The following CELF2 variants were observed in gnomAD, a reference collection of about 807,000 sequenced individuals.
CELF2 encodes the protein CUG triplet repeat RNA-binding protein 2.
CELF2 carries 8 observed loss-of-function variants against 62.6 expected under a neutral mutation model. The observed-to-expected ratio is 0.13, with a 90% confidence interval of 0.07 to 0.23. The LOEUF (loss-of-function observed/expected upper bound fraction) is 0.23. Ranked by LOEUF, CELF2 falls within the 10% of genes least tolerant of loss-of-function variation. CELF2 has a pLI of 1.00. For missense variants in CELF2, 333 were observed against 671.0 expected, an observed-to-expected ratio of 0.50 and a Z score of 5.56; for synonymous variants, 258 against 250.0, an observed-to-expected ratio of 1.03 and a Z score of -0.30.
At chr10:11,029,156 G>A (rs1374882498) in intron 1 of CELF2, among the ~76,000 whole-genome samples, 1 of 152,220 alleles carries the variant, frequency 6.6e-6, no homozygotes, top group Non-Finnish European at 1.5e-5. Context: ...ACCTAGACAA[G>A]GAATTGGTGA....
At chr10:10,923,744 A>T (rs2065143929) in intron 2 of CELF2, 1 of 152,264 alleles carries the variant, frequency 6.6e-6, no homozygotes, top group Non-Finnish European at 1.5e-5. Flanking sequence ...TAGGATTAAA[A>T]CAAATATTTA....
chr10:11,183,558 C>G (rs1325069699), intron 2 of CELF2, among the ~76,000 whole-genome samples: 2 of 152,208 alleles, frequency 1.3e-5, no homozygotes, highest in East Asian at 3.8e-4. Flanking sequence ...ACATTCCTAC[C>G]AGCAATACCT....
chr10:11,037,406 C>CGA (rs2061138536), intron 1 of CELF2, among the ~76,000 whole-genome samples: 1 of 152,202 alleles, frequency 6.6e-6, no homozygotes, highest in South Asian at 2.1e-4. Context: ...ACCATATCGA[C>CGA]CACTGTATCT....
chr10:10,526,578 A>G, the CELF2 span, among the ~76,000 whole-genome samples: 1 of 152,008 alleles, frequency 6.6e-6, no homozygotes, highest in Admixed American at 6.6e-5. Context: ...TGTAAATTCA[A>G]CTCCCTCCTG....
chr10:11,296,223 T>C lies in CELF2; in HGVS notation c.976+7671T>C, dbSNP rs552502965. ...TTTTAACATGTGCAGACATTGACTC[T>C]AATTCTTCACGTATTTGCTTTTTGC... On this transcript the variant is annotated intron_variant, in intron 9 of 12. Coordinates refer to ENST00000633077, the MANE Select transcript of CELF2 (RefSeq NM_001326342.2). This position sits in a 1 kb window ranked among gnomAD's most constrained non-coding sequence, Gnocchi z 5.0. Among the ~76,000 whole-genome samples the C allele has an allele frequency of 2.8e-4, 43 of 152,288 alleles. No individual in the cohort carries two copies. Among genetic ancestry groups the C allele is most frequent in the African/African-American group, 9.4e-4 (39 of 41,552 alleles).
At chr10:10,626,118 T>C in the CELF2 span, among the ~76,000 whole-genome samples, 33 of 152,278 alleles carry the variant, frequency 2.2e-4, no homozygotes, top group Non-Finnish European at 7.3e-5. Context: ...ATGTGGCTTT[T>C]TTTCACCTTG....
At chr10:10,981,494 T>C (rs2052096503) in intron 2 of CELF2, among the ~76,000 whole-genome samples, 1 of 152,236 alleles carries the variant, frequency 6.6e-6, no homozygotes, top group Admixed American at 6.5e-5. Context: ...ATTGTCTATA[T>C]TTTTTAAGAT....
chr10:10,492,613 TG>T, the CELF2 span, among the ~76,000 whole-genome samples: 1 of 152,334 alleles, frequency 6.6e-6, no homozygotes, highest in African/African-American at 2.4e-5. Context: ...AAGGGAGATT[TG>T]TCCACCCACG....
intron 1 of CELF2, among the ~76,000 whole-genome samples, chr10:11,068,281 G>C (rs1016391789): frequency 7.2e-5 from 11 of 152,318 alleles, no homozygotes; most frequent in African/African-American, 2.4e-4. Context: ...AGTGCTATGA[G>C]AGAGAAGAAA....
intron 2 of CELF2, among the ~76,000 whole-genome samples, chr10:11,180,543 G>A (rs2072990515): frequency 6.6e-6 from 1 of 152,206 alleles, no homozygotes. Context: ...GAAACATGAA[G>A]GGGGCCCTTC....
In CELF2 at chr10:11,218,783, C is replaced by T. The variant is rs143004745; in HGVS notation, c.354+1276C>T. Among the ~76,000 whole-genome samples the T allele has an allele frequency of 1.4e-3, 219 of 152,280 alleles. 3 individuals are homozygous for T. Among genetic ancestry groups the T allele is most frequent in the African/African-American group, 4.8e-3 (200 of 41,550 alleles). Reference sequence around the variant, plus strand: ...AAGCTGTTTTTATTGAGTCTAAGTGCTTCACTCAGTGACTTTAAAAAAATT... The same window carrying T: ...AAGCTGTTTTTATTGAGTCTAAGTGTTTCACTCAGTGACTTTAAAAAAATT... On this transcript the variant is annotated intron_variant, in intron 3 of 12. Coordinates refer to ENST00000633077, the MANE Select transcript of CELF2 (RefSeq NM_001326342.2).
intron 1 of CELF2, among the ~76,000 whole-genome samples, chr10:10,901,607 A>G (rs576420979): frequency 7.9e-5 from 12 of 152,360 alleles, no homozygotes; most frequent in Admixed American, 5.2e-4. Context: ...GTAGGCAAAG[A>G]GTTCCTAAAT....
chr10:11,021,908 T>C lies in CELF2; in HGVS notation c.74+3745T>C, dbSNP rs542119116. Among the ~76,000 whole-genome samples, 3 of 152,356 alleles carry C rather than the reference T, an allele frequency of 2.0e-5. No homozygotes were observed. The South Asian group carries it at 6.2e-4, about 32-fold the overall frequency. ...GGATTGATGTATGTGAAACATCATT[T>C]TATACTTTCTAATTTGATTCCAATT... On this transcript the variant is annotated intron_variant, in intron 1 of 12. Transcript: ENST00000633077.
At chr10:10,777,218 G>T in the CELF2 span, among the ~76,000 whole-genome samples, 1 of 152,070 alleles carries the variant, frequency 6.6e-6, no homozygotes, top group Admixed American at 6.5e-5. Context: ...CACCTCGCTC[G>T]ATTGATCCCC....
In CELF2 at chr10:11,005,513, C is replaced by T; in HGVS notation, c.53+73C>T. 1.2e-6 allele frequency: 2 copies of T among 1,610,436 alleles called. No homozygotes were observed. Among genetic ancestry groups the T allele is most frequent in the South Asian group, 1.1e-5 (1 of 90,978 alleles). On this transcript the variant is annotated intron_variant, in intron 1 of 12. Coordinates refer to the CELF2 transcript ENST00000416382. The surrounding 1 kb of genome is among the most constrained non-coding windows in gnomAD (Gnocchi z 4.3). ...AGAGCTGGCTGAGACAATAATTATG[C>T]TCTGAATCAAGTAGCTTCCTTACCT... is the stretch of plus-strand genomic sequence containing the variant.
At chr10:10,729,049 C>T in the CELF2 span, among the ~76,000 whole-genome samples, 1 of 152,210 alleles carries the variant, frequency 6.6e-6, no homozygotes, top group African/African-American at 2.4e-5. Flanking sequence ...TGTAATTTGG[C>T]TCCATAAAAA....
chr10:10,738,852 A>C, the CELF2 span, among the ~76,000 whole-genome samples: 1 of 152,200 alleles, frequency 6.6e-6, no homozygotes, highest in Non-Finnish European at 1.5e-5. Context: ...AAACTAAGGA[A>C]ATCTGAACAA....
chr10:11,028,735 T>G lies in CELF2; in HGVS notation c.74+10572T>G, dbSNP rs546452797. On this transcript the variant is annotated intron_variant, in intron 1 of 12. Transcript: ENST00000633077. ...CACCCAGCCTTTTTTTTTTTTTTTT[T>G]GGGAGATGGAATCTTGCTCTGTTGC... Among the ~76,000 whole-genome samples the G allele has an allele frequency of 6.1e-3, 502 of 82,366 alleles. 7 individuals carry two copies. In the East Asian group the frequency reaches 0.074, roughly 12 times the overall value. 54.0% of individuals were successfully genotyped at this position (82,366 alleles called of 152,430 possible).
At chr10:10,490,850 G>A in the CELF2 span, among the ~76,000 whole-genome samples, 1 of 152,080 alleles carries the variant, frequency 6.6e-6, no homozygotes, top group South Asian at 2.1e-4. Flanking sequence ...TGGCTACTTG[G>A]GATTAAAGAC....
Sources: allele counts gnomAD v4.1 joint callset (sites outside exome capture counted in the v4.1 genomes callset), GRCh38; gene constraint gnomAD v4.1.1; non-coding constraint Gnocchi (gnomAD v3.1); transcripts MANE v1.5; gene names NCBI Gene and HGNC (gene_info 2026-07-23, HGNC 2026-07-21).